NRXN2: variants seen among roughly 807,000 people sequenced by gnomAD.
NRXN2 encodes the protein neurexin-2-beta.
A neutral mutation model predicts 128.8 loss-of-function variants in NRXN2; 29 were observed. That is an observed-to-expected ratio of 0.23 (90% confidence interval 0.17 to 0.31). The LOEUF (loss-of-function observed/expected upper bound fraction) is 0.31, where lower values mean the gene tolerates loss of function less well. NRXN2 is among the 10% of genes least tolerant of loss of function. The probability of loss-of-function intolerance (pLI) is 1.00; values close to 1 mark genes in which losing one functional copy is unlikely to be tolerated. For synonymous variants in NRXN2, 1,098 were observed against 1,075.2 expected (o/e 1.02, Z -0.41); for missense variants, 1,881 against 2,452.6 (o/e 0.77, Z 4.92).
intron 4 of NRXN2, 58 bp downstream of exon 4, chr11:64,692,789 A>G: frequency 6.2e-7 from 1 of 1,606,732 alleles, no homozygotes; most frequent in East Asian, 2.2e-5. Flanking sequence ...AGAACAGAAA[A>G]TCCAGGCGCA....
chr11:64,720,582 G>A (rs11231859), intron 1 of NRXN2, among the ~76,000 whole-genome samples: 23,552 of 152,166 alleles, frequency 0.15, 2,206 homozygotes, highest in East Asian at 0.35. Flanking sequence ...GAGGCCCTGC[G>A]CCGAAGGTAC....
Position 64,661,156 on chromosome 11 carries a change from G to A in NRXN2, c.1799-17C>T. On this transcript the variant is annotated splice_polypyrimidine_tract_variant and intron_variant, in intron 9 of 22. Coordinates refer to ENST00000265459, the MANE Select transcript of NRXN2 (RefSeq NM_015080.4). ...AGATGGAGCCTGGGAATCAAGGGAA[G>A]GCAGGATGGAGAAAAGCCACAGGCC... The A allele has an allele frequency of 6.2e-7, 1 of 1,613,278 alleles. No homozygotes were observed. The highest frequency in any genetic ancestry group is 1.1e-5 in the South Asian group (1 of 91,072).
chr11:64,695,530 G>A (rs538962769), intron 3 of NRXN2, among the ~76,000 whole-genome samples: 13 of 152,090 alleles, frequency 8.5e-5, no homozygotes, highest in African/African-American at 2.7e-4. Flanking sequence ...GCCCAGCCAC[G>A]TGGAACCACC....
chr11:64,703,584 A>G (rs984378578), intron 2 of NRXN2, among the ~76,000 whole-genome samples: 3 of 152,158 alleles, frequency 2.0e-5, no homozygotes, highest in Admixed American at 2.0e-4. Flanking sequence ...CTACCATAAA[A>G]CACAACCAAC....
rs992674929 is a variant in NRXN2 at position 64,631,791 on chromosome 11, G to T, written c.3586-1218C>A. Among the ~76,000 whole-genome samples, 1 of 152,048 alleles carries T rather than the reference G, an allele frequency of 6.6e-6. No homozygotes were observed. Among genetic ancestry groups the T allele is most frequent in the South Asian group, 2.1e-4 (1 of 4,822 alleles). ...CTGAGGCCTACCTTCAACACCAAAG[G>T]CATCTAACCAAGCCAACGAAGGCCC... On this transcript the variant is annotated intron_variant, in intron 18 of 22. Transcript: ENST00000265459. This position sits in a 1 kb window ranked among gnomAD's most constrained non-coding sequence, Gnocchi z 4.8.
intron 5 of NRXN2, 149 bp from the exon 6 acceptor site, chr11:64,686,096 C>A: frequency 1.2e-6 from 1 of 801,598 alleles, no homozygotes; most frequent in Non-Finnish European, 2.1e-6. Flanking sequence ...CTTTCCCTCC[C>A]TCGGCCTGTC....
chr11:64,640,062 T>C (rs1269070214), intron 17 of NRXN2, among the ~76,000 whole-genome samples: 3 of 149,782 alleles, frequency 2.0e-5, no homozygotes, highest in African/African-American at 5.0e-5. Flanking sequence ...CTTCACAGGC[T>C]CCTCCCCCAC....
At chr11:64,670,106 C>A (rs984034211) in intron 7 of NRXN2, among the ~76,000 whole-genome samples, 9 of 152,086 alleles carry the variant, frequency 5.9e-5, no homozygotes, top group Non-Finnish European at 7.3e-5. Context: ...GACCCCAAGT[C>A]CCCCTTGTGC....
At position 64,660,681 on chromosome 11, in the gene NRXN2, G is replaced by A; in HGVS notation, c.2185+72C>T. On this transcript the variant is annotated intron_variant, in intron 10 of 22. Transcript: ENST00000265459. This position sits in a 1 kb window ranked among gnomAD's most constrained non-coding sequence, Gnocchi z 5.2. ...GGAGGAGGTGGCACAGGGATGGAAA[G>A]TAGGAGTCACCCTGAGAAGGAGGAG... The A allele has an allele frequency of 6.9e-6, 11 of 1,600,376 alleles. No individual in the cohort carries two copies. The highest frequency in any genetic ancestry group is 9.3e-6 in the Non-Finnish European group (11 of 1,177,354).
At chr11:64,718,006 CT>C (rs1565488287) in intron 1 of NRXN2, among the ~76,000 whole-genome samples, 1 of 152,078 alleles carries the variant, frequency 6.6e-6, no homozygotes, top group Non-Finnish European at 1.5e-5. Context: ...TTCATCTTCT[CT>C]TTTTTTTCCT....
At chr11:64,702,754 C>A (rs1426487751) in intron 2 of NRXN2, among the ~76,000 whole-genome samples, 1 of 145,874 alleles carries the variant, frequency 6.9e-6, no homozygotes, top group Non-Finnish European at 1.5e-5. Flanking sequence ...GTCCTGTGAC[C>A]CTGCCAAATC....
intron 17 of NRXN2, chr11:64,642,674 G>T (rs778645322): frequency 9.6e-6 from 15 of 1,555,830 alleles, no homozygotes; most frequent in African/African-American, 1.4e-5. Flanking sequence ...GCCCCCAGCA[G>T]CAACAGCAGC....
chr11:64,640,226 A>AC (rs879267951), intron 17 of NRXN2, among the ~76,000 whole-genome samples: 2 of 150,904 alleles, frequency 1.3e-5, no homozygotes, highest in African/African-American at 2.4e-5. Context: ...TGTCCTCCAT[A>AC]CTCTTCTGGC....
At chr11:64,692,343 G>A (rs2053910025) in intron 4 of NRXN2, among the ~76,000 whole-genome samples, 1 of 152,166 alleles carries the variant, frequency 6.6e-6, no homozygotes, top group Non-Finnish European at 1.5e-5. Context: ...CGTCATGGAT[G>A]GGGGCCTCCC....
chr11:64,613,982 T>C (rs2041077271), intron 22 of NRXN2, among the ~76,000 whole-genome samples: 1 of 152,040 alleles, frequency 6.6e-6, no homozygotes, highest in African/African-American at 2.4e-5. Flanking sequence ...GGCTTCTACT[T>C]TCTACTTTTA....
chr11:64,647,052 C>T (rs2046786706), intron 17 of NRXN2, among the ~76,000 whole-genome samples: 1 of 152,138 alleles, frequency 6.6e-6, no homozygotes, highest in Non-Finnish European at 1.5e-5. Flanking sequence ...CTGTAAGAAA[C>T]TCAGGACTCA....
chr11:64,633,272 C>A (rs1053874429), intron 18 of NRXN2, among the ~76,000 whole-genome samples: 1 of 152,212 alleles, frequency 6.6e-6, no homozygotes, highest in African/African-American at 2.4e-5. Flanking sequence ...CCTAACCTAA[C>A]AGGCACAGAG....
At chr11:64,704,062 C>T (rs1278602926) in intron 2 of NRXN2, among the ~76,000 whole-genome samples, 1 of 152,124 alleles carries the variant, frequency 6.6e-6, no homozygotes, top group Non-Finnish European at 1.5e-5. Context: ...CTATACCACC[C>T]TCTAGAGAAG....
At chr11:64,686,591 T>G (rs1190532116) in intron 5 of NRXN2, among the ~76,000 whole-genome samples, 2 of 152,094 alleles carry the variant, frequency 1.3e-5, no homozygotes, top group South Asian at 2.1e-4. Flanking sequence ...ATGCACCGGA[T>G]AGCAACAGGC....
Sources: gnomAD v4.1 joint callset for allele counts (sites outside exome capture counted in the v4.1 genomes callset) on GRCh38, gnomAD v4.1.1 for gene constraint, Gnocchi (gnomAD v3.1) non-coding constraint, MANE v1.5 for transcripts, NCBI Gene and HGNC (gene_info 2026-07-23, HGNC 2026-07-21) for gene names.